SUPV3L1: variants seen among roughly 807,000 people sequenced by gnomAD.
SUPV3L1 encodes the protein Suv3 like RNA helicase.
A neutral mutation model predicts 70.0 loss-of-function variants in SUPV3L1; 35 were observed. The observed-to-expected ratio is 0.50, with a 90% CI of 0.38 to 0.66. The LOEUF is 0.66. Among genes scored for constraint, SUPV3L1 ranks in the 30% least tolerant of loss-of-function variants. SUPV3L1 has a pLI of 0.00. For missense variants in SUPV3L1, 777 were observed against 961.5 expected, an observed-to-expected ratio of 0.81 and a Z score of 2.54; for synonymous variants, 364 against 341.9, an observed-to-expected ratio of 1.06 and a Z score of -0.71.
At chr10:69,180,796 C>T (rs1842032203) in intron 1 of SUPV3L1, among the ~76,000 whole-genome samples, 1 of 152,204 alleles carries the variant, frequency 6.6e-6, no homozygotes, top group South Asian at 2.1e-4. Flanking sequence ...TTTTACTGCC[C>T]TGCTCTCTGA....
At chr10:69,187,000 A>G (rs183890686) in intron 3 of SUPV3L1, among the ~76,000 whole-genome samples, 20 of 152,330 alleles carry the variant, frequency 1.3e-4, no homozygotes, top group Admixed American at 2.6e-4. Flanking sequence ...TGAGGATACA[A>G]CGCAGAATGG....
intron 11 of SUPV3L1, among the ~76,000 whole-genome samples, chr10:69,201,348 G>A (rs1366829896): frequency 1.3e-5 from 2 of 151,896 alleles, no homozygotes; most frequent in African/African-American, 4.8e-5. Flanking sequence ...ATGTCCTAAC[G>A]GTGTAATGTG....
At chr10:69,189,677 C>T (rs1398283902) in intron 5 of SUPV3L1, among the ~76,000 whole-genome samples, 3 of 136,600 alleles carry the variant, frequency 2.2e-5, no homozygotes, top group Non-Finnish European at 4.6e-5. Context: ...GATGGAGTCT[C>T]GCTTTGTCAC....
chr10:69,195,154 A>G (rs766535995), intron 6 of SUPV3L1, 34 bp from the exon 7 acceptor site: 3 of 1,540,764 alleles, frequency 1.9e-6, no homozygotes, highest in South Asian at 2.3e-5. Context: ...ATTTAAGTAG[A>G]TGGTATTGCT....
chr10:69,199,028 G>T (rs1472050804), intron 9 of SUPV3L1, 76 bp from the exon 10 acceptor site: 8 of 1,113,430 alleles, frequency 7.2e-6, no homozygotes, highest in South Asian at 1.4e-5. Flanking sequence ...AGGAGGTGAG[G>T]GTTTCCAAGA....
intron 5 of SUPV3L1, among the ~76,000 whole-genome samples, chr10:69,189,797 C>T (rs1438229324): frequency 6.6e-6 from 1 of 152,072 alleles, no homozygotes; most frequent in Non-Finnish European, 1.5e-5. Context: ...CAGGCGCCCA[C>T]CACCACGCCT....
chr10:69,199,271 A>G (rs2271096), intron 10 of SUPV3L1, 74 bp downstream of exon 10: 1 of 1,130,884 alleles, frequency 8.8e-7, no homozygotes, highest in South Asian at 1.5e-5. Flanking sequence ...CAGTTTTCTA[A>G]TTGGCATTAA....
intron 3 of SUPV3L1, among the ~76,000 whole-genome samples, chr10:69,187,021 A>G (rs184661582): frequency 1.3e-5 from 2 of 152,336 alleles, no homozygotes; most frequent in African/African-American, 4.8e-5. Context: ...GACATGCCCC[A>G]GCCTCCTCTC....
chr10:69,200,606 A>AGT (rs1170318741), intron 11 of SUPV3L1, 107 bp downstream of exon 11: 3 of 968,214 alleles, frequency 3.1e-6, no homozygotes, highest in Non-Finnish European at 4.5e-6. Flanking sequence ...TACAGACATA[A>AGT]GTGAAAGAAA....
At chr10:69,190,928 C>G (rs1349332746) in intron 5 of SUPV3L1, among the ~76,000 whole-genome samples, 1 of 152,228 alleles carries the variant, frequency 6.6e-6, no homozygotes, top group African/African-American at 2.4e-5. Flanking sequence ...CCTAGACAAA[C>G]CAGAATGGTT....
At chr10:69,191,535 A>G in intron 5 of SUPV3L1, 120 bp from the exon 6 acceptor site, 2 of 805,442 alleles carry the variant, frequency 2.5e-6, no homozygotes, top group Non-Finnish European at 4.0e-6. Flanking sequence ...CCGTGGGAAC[A>G]TTATGTTTTA....
rs148667456 is a variant in SUPV3L1, at chr10:69,198,198, G to T, written c.1024-174G>T. Among the ~76,000 whole-genome samples the T allele has an allele frequency of 5.3e-3, 811 of 152,292 alleles. 8 individuals carry two copies. The highest frequency in any genetic ancestry group is 0.019 in the African/African-American group (783 of 41,540). Reference sequence around the variant, plus strand: ...TAATTTAGAGATGCCAATGAGAAGTGATGGTAACACTTATAATATCAAAAT... The same window carrying T: ...TAATTTAGAGATGCCAATGAGAAGTTATGGTAACACTTATAATATCAAAAT... On this transcript the variant is annotated intron_variant, in intron 8 of 14. Coordinates refer to ENST00000359655, the MANE Select transcript of SUPV3L1 (RefSeq NM_003171.5).
At chr10:69,185,576 A>G (rs957008239) in intron 1 of SUPV3L1, among the ~76,000 whole-genome samples, 1 of 147,028 alleles carries the variant, frequency 6.8e-6, no homozygotes, top group African/African-American at 2.5e-5. Context: ...ATCTCGGCTC[A>G]CTGCAAGCTC....
rs776674181 is a variant in SUPV3L1 at position 69,180,275 on chromosome 10, T to C, written c.-17T>C. The C allele has an allele frequency of 6.2e-7, 1 of 1,611,806 alleles. No individual in the cohort carries two copies. The highest frequency in any genetic ancestry group is 1.7e-5 in the Admixed American group (1 of 59,906). Reference sequence around the variant, plus strand: ...GTGTCCGCGGCTGCGCCAGACAGTGTAGAACCTGCGGCCTCGATGTCCTTC... The same window carrying C: ...GTGTCCGCGGCTGCGCCAGACAGTGCAGAACCTGCGGCCTCGATGTCCTTC... On this transcript the variant is annotated 5_prime_UTR_variant, in exon 1 of 15. Transcript: ENST00000359655.
chr10:69,208,241 G>A (rs568491042), intron 14 of SUPV3L1, among the ~76,000 whole-genome samples: 6 of 152,370 alleles, frequency 3.9e-5, no homozygotes, highest in Admixed American at 3.3e-4. Context: ...TAGAACTAAG[G>A]AGTATCAGGC....
chr10:69,198,739 A>C (rs145434156), intron 9 of SUPV3L1, among the ~76,000 whole-genome samples, 187 bp downstream of exon 9: 1 of 152,230 alleles, frequency 6.6e-6, no homozygotes, highest in Non-Finnish European at 1.5e-5. Flanking sequence ...TATTTTAATT[A>C]TAGTTCTTGT....
chr10:69,193,349 A>T (rs1842448658), intron 6 of SUPV3L1: 1 of 152,138 alleles, frequency 6.6e-6, no homozygotes, highest in South Asian at 2.1e-4. Context: ...TCAATACATT[A>T]TAAAGTAATA....
chr10:69,199,244 G>T, intron 10 of SUPV3L1, 47 bp downstream of exon 10: 1 of 1,462,068 alleles, frequency 6.8e-7, no homozygotes, highest in South Asian at 1.2e-5. Context: ...GAGTTAAATG[G>T]TGGTTTTTTT....
intron 13 of SUPV3L1, among the ~76,000 whole-genome samples, chr10:69,205,213 A>G (rs966692900): frequency 9.2e-5 from 14 of 152,242 alleles, no homozygotes; most frequent in African/African-American, 1.7e-4. Flanking sequence ...CTTAGCTAGC[A>G]TAAGGTTGAA....
Sources: allele counts gnomAD v4.1 joint callset (sites outside exome capture counted in the v4.1 genomes callset), GRCh38; gene constraint gnomAD v4.1.1; transcripts MANE v1.5; gene names NCBI Gene and HGNC (gene_info 2026-07-23, HGNC 2026-07-21).